BLOC1S5: variants seen among roughly 807,000 people sequenced by gnomAD.
The protein encoded by BLOC1S5 is biogenesis of lysosomal organelles complex 1 subunit 5.
In BLOC1S5, 27 loss-of-function variants were observed where a neutral mutation model predicts 24.3. The ratio of observed to expected loss-of-function variants is 1.11; its 90% confidence interval spans 0.82 to 1.53. BLOC1S5 has a LOEUF of 1.53. Among genes scored for constraint, BLOC1S5 ranks in the 40% most tolerant of loss-of-function variants. The pLI is 0.00. For synonymous variants in BLOC1S5, 84 were observed against 74.5 expected (o/e 1.13, Z -0.66); for missense variants, 239 against 229.4 (o/e 1.04, Z -0.27).
chr6:8,017,227 G>C (rs144287498), intron 4 of BLOC1S5, among the ~76,000 whole-genome samples: 31 of 152,180 alleles, frequency 2.0e-4, no homozygotes, highest in African/African-American at 6.0e-4. Flanking sequence ...TTTTGATACA[G>C]ATTAGGTTCT....
intron 2 of BLOC1S5, among the ~76,000 whole-genome samples, chr6:8,059,614 T>C (rs909349759): frequency 2.6e-5 from 4 of 152,316 alleles, no homozygotes; most frequent in Non-Finnish European, 5.9e-5. Context: ...GTACAAATAA[T>C]GCAGATGTAT....
chr6:8,055,751 T>C (rs189042942), intron 2 of BLOC1S5, among the ~76,000 whole-genome samples: 13 of 152,340 alleles, frequency 8.5e-5, no homozygotes, highest in Admixed American at 2.6e-4. Context: ...AGCCCCTGAC[T>C]GCTTCAGCAC....
intron 2 of BLOC1S5, 95 bp downstream of exon 2, chr6:8,062,439 T>TA: frequency 1.3e-6 from 1 of 791,472 alleles, no homozygotes; most frequent in Admixed American, 3.2e-5. Flanking sequence ...ACACATGAAC[T>TA]AAAATCCGAT....
chr6:8,046,106 A>G (rs1237589958), intron 2 of BLOC1S5, among the ~76,000 whole-genome samples: 1 of 152,110 alleles, frequency 6.6e-6, no homozygotes, highest in Admixed American at 6.6e-5. Context: ...ACCCAGGGGG[A>G]GGTAATTGAA....
rs1423036065 is a variant in BLOC1S5, at chr6:8,014,652, T to C, written c.*997A>G. 1 of 152,182 alleles carries C rather than the reference T, an allele frequency of 6.6e-6. No individual in the cohort carries two copies. The highest frequency in any genetic ancestry group is 1.5e-5 in the Non-Finnish European group (1 of 68,040). 9.4% of individuals were successfully genotyped at this position (152,182 alleles called of 1,614,324 possible). On this transcript the variant is annotated 3_prime_UTR_variant, in exon 5 of 5. Transcript: ENST00000397457. Reference sequence around the variant, plus strand: ...GGTACATGTTTCATCATAATATACCTGCTTATGAGAACAGACATTAACACT... The same window carrying C: ...GGTACATGTTTCATCATAATATACCCGCTTATGAGAACAGACATTAACACT...
intron 3 of BLOC1S5, among the ~76,000 whole-genome samples, chr6:8,030,709 T>A (rs767321859): frequency 7.3e-5 from 11 of 151,106 alleles, no homozygotes; most frequent in Non-Finnish European, 1.5e-4. Context: ...CCCTTTCTAC[T>A]AAAAATAGAA....
intron 2 of BLOC1S5, among the ~76,000 whole-genome samples, chr6:8,052,738 C>CA (rs1185468092): frequency 6.6e-6 from 1 of 151,854 alleles, no homozygotes; most frequent in Non-Finnish European, 1.5e-5. Flanking sequence ...TAAAAAAACA[C>CA]AAAAAAATTA....
chr6:8,062,270 T>C (rs940245826), intron 2 of BLOC1S5, among the ~76,000 whole-genome samples: 1 of 152,148 alleles, frequency 6.6e-6, no homozygotes, highest in Admixed American at 6.5e-5. Context: ...TCCCCCACTA[T>C]ATCTCATTTT....
At chr6:8,023,129 T>C (rs1762984513) in intron 4 of BLOC1S5, among the ~76,000 whole-genome samples, 1 of 152,208 alleles carries the variant, frequency 6.6e-6, no homozygotes, top group African/African-American at 2.4e-5. Flanking sequence ...ACCGGTGGCA[T>C]ATTTTTAAGA....
At chr6:8,046,085 T>C (rs1022379754) in intron 2 of BLOC1S5, among the ~76,000 whole-genome samples, 1 of 152,196 alleles carries the variant, frequency 6.6e-6, no homozygotes, top group Admixed American at 6.5e-5. Flanking sequence ...CTCCCACGTG[T>C]TGTGGGAAGA....
chr6:8,037,023 C>G, intron 3 of BLOC1S5, among the ~76,000 whole-genome samples: 1 of 152,146 alleles, frequency 6.6e-6, no homozygotes, highest in East Asian at 1.9e-4. Flanking sequence ...CCACAGCTAA[C>G]ATCATACTGA....
intron 2 of BLOC1S5, among the ~76,000 whole-genome samples, chr6:8,054,804 A>G (rs957764602): frequency 6.6e-6 from 1 of 152,164 alleles, no homozygotes; most frequent in Non-Finnish European, 1.5e-5. Flanking sequence ...TTACTTCAAG[A>G]AAGTTTTTTT....
At chr6:8,022,935 G>C (rs1334019766) in intron 4 of BLOC1S5, among the ~76,000 whole-genome samples, 1 of 152,174 alleles carries the variant, frequency 6.6e-6, no homozygotes, top group African/African-American at 2.4e-5. Context: ...TTGCTCTCAT[G>C]AAAGTAATCA....
chr6:8,054,761 T>G (rs1167575348), intron 2 of BLOC1S5, among the ~76,000 whole-genome samples: 1 of 152,280 alleles, frequency 6.6e-6, no homozygotes, highest in African/African-American at 2.4e-5. Context: ...TCCCTGAATG[T>G]AGTAGTGTGC....
At chr6:8,039,705 T>A (rs1258640151) in intron 3 of BLOC1S5, among the ~76,000 whole-genome samples, 1 of 152,164 alleles carries the variant, frequency 6.6e-6, no homozygotes, top group East Asian at 1.9e-4. Flanking sequence ...TTCATTTCAA[T>A]GAACAAATTA....
chr6:8,029,769 C>T (rs1003616977), intron 3 of BLOC1S5, among the ~76,000 whole-genome samples: 2 of 151,718 alleles, frequency 1.3e-5, no homozygotes, highest in African/African-American at 4.9e-5. Context: ...TGATCGTTTA[C>T]TAGAACTAAG....
At chr6:8,043,184 A>ACCAC (rs1763750349) in intron 2 of BLOC1S5, among the ~76,000 whole-genome samples, 1 of 152,120 alleles carries the variant, frequency 6.6e-6, no homozygotes, top group Non-Finnish European at 1.5e-5. Context: ...ATAGAGCAAA[A>ACCAC]CCACCCTCCC....
intron 3 of BLOC1S5, among the ~76,000 whole-genome samples, chr6:8,033,283 C>T (rs186613377): frequency 1.1e-3 from 163 of 152,140 alleles, no homozygotes; most frequent in African/African-American, 3.4e-3. Flanking sequence ...AACAGATATA[C>T]AGACCAATGG....
rs117367603 is a variant in BLOC1S5, at chr6:8,027,748, C to A, written c.326-1323G>T. 3.4e-3 allele frequency among the ~76,000 whole-genome samples: 514 copies of A among 151,480 alleles called. 3 individuals are homozygous for A. Among genetic ancestry groups the A allele is most frequent in the East Asian group, 0.032 (165 of 5,114 alleles). The stretch of plus-strand genomic sequence containing the variant: ...ACTCGGGAGGCTGAGCCAAGACAAT[C>A]GCTCGAACCTGGTGCAGTGAGCCAA... On this transcript the variant is annotated intron_variant, in intron 3 of 4. Coordinates refer to ENST00000397457, the MANE Select transcript of BLOC1S5 (RefSeq NM_201280.3).
Sources: allele counts gnomAD v4.1 joint callset (sites outside exome capture counted in the v4.1 genomes callset), GRCh38; gene constraint gnomAD v4.1.1; transcripts MANE v1.5; gene names NCBI Gene and HGNC (gene_info 2026-07-23, HGNC 2026-07-21).